Variants in AP4E1 observed in about 807,000 individuals in gnomAD.
AP4E1 encodes adaptor related protein complex 4 subunit epsilon 1.
A neutral mutation model predicts 128.2 loss-of-function variants in AP4E1; 56 were observed. That is an observed-to-expected ratio of 0.44 (90% CI 0.35 to 0.55). The LOEUF is 0.55. AP4E1 is among the 20% of genes least tolerant of loss of function. The pLI is 0.00. For missense variants in AP4E1, 1,324 were observed against 1,307.7 expected (o/e 1.01, Z -0.19); for synonymous variants, 484 against 473.1 (o/e 1.02, Z -0.30).
intron 3 of AP4E1, 45 bp from the exon 4 acceptor site, chr15:50,923,886 T>A (rs1469460836): frequency 7.0e-7 from 1 of 1,435,466 alleles, no homozygotes; most frequent in Non-Finnish European, 9.8e-7. Context: ...GTGAAAAGTC[T>A]GTTTTTGGTA....
chr15:50,957,548 G>A (rs1356777116), intron 13 of AP4E1, among the ~76,000 whole-genome samples: 1 of 152,030 alleles, frequency 6.6e-6, no homozygotes, highest in African/African-American at 2.4e-5. Context: ...GCTTGCGGGT[G>A]GGGCTTCTCC....
chr15:50,972,094 A>G (rs2064486446), intron 15 of AP4E1, among the ~76,000 whole-genome samples: 1 of 152,196 alleles, frequency 6.6e-6, no homozygotes, highest in Non-Finnish European at 1.5e-5. Flanking sequence ...TATGTAGTGC[A>G]GTTTAAAGGG....
intron 15 of AP4E1, among the ~76,000 whole-genome samples, chr15:50,973,239 T>A (rs756694703): frequency 6.6e-6 from 1 of 152,216 alleles, no homozygotes; most frequent in Non-Finnish European, 1.5e-5. Flanking sequence ...GTTGAGTACT[T>A]ATTTTCCAGG....
intron 16 of AP4E1, 129 bp from the exon 17 acceptor site, chr15:50,993,241 T>C (rs1193104858): frequency 6.5e-6 from 6 of 923,808 alleles, no homozygotes; most frequent in Non-Finnish European, 1.0e-5. Context: ...TTACTTCTGG[T>C]ATATAGAATA....
intron 15 of AP4E1, among the ~76,000 whole-genome samples, chr15:50,978,977 T>A (rs1159777876): frequency 6.6e-6 from 1 of 152,198 alleles, no homozygotes; most frequent in East Asian, 1.9e-4. Flanking sequence ...TTCTTTTGAC[T>A]TGGAATTGAT....
At chr15:50,948,358 G>C (rs1273519054) in intron 11 of AP4E1, among the ~76,000 whole-genome samples, 199 bp downstream of exon 11, 5 of 53,266 alleles carry the variant, frequency 9.4e-5, no homozygotes, top group Admixed American at 8.9e-4. Context: ...TTTTTTTTTT[G>C]CTGGTTTCTT....
Position 50,908,773 on chromosome 15 carries a change from GC to G in AP4E1, c.-5del. The G allele has an allele frequency of 1.3e-6, 2 of 1,536,246 alleles. No individual in the cohort carries two copies. The highest frequency in any genetic ancestry group is 8.7e-7 in the Non-Finnish European group (1 of 1,146,288). ...GGCGGCGGCGGCATCGCGGGCGGCG[GC>G]GGCGATGAGCGACATAGTGGAGAAG... On this transcript the variant is annotated 5_prime_UTR_variant, in exon 1 of 21. Coordinates refer to ENST00000261842, the MANE Select transcript of AP4E1 (RefSeq NM_007347.5).
In AP4E1 at chr15:51,003,270, C is replaced by A. The variant is rs888856498; in HGVS notation, c.*608C>A. 4 of 152,726 alleles carry A rather than the reference C, an allele frequency of 2.6e-5. No individual in the cohort carries two copies. Among genetic ancestry groups the A allele is most frequent in the Non-Finnish European group, 4.4e-5 (3 of 68,108 alleles). 9.5% of individuals were successfully genotyped at this position (152,726 alleles called of 1,614,324 possible). ...TTTTTTATTATAGATAACTGTTACA[C>A]ATAATTTCAGATCGTTTGGCTGTAA... is the stretch of plus-strand genomic sequence containing the variant. On this transcript the variant is annotated 3_prime_UTR_variant, in exon 21 of 21. Coordinates refer to ENST00000261842, the MANE Select transcript of AP4E1 (RefSeq NM_007347.5).
intron 19 of AP4E1, 59 bp downstream of exon 19, chr15:50,999,321 T>C: frequency 1.4e-6 from 2 of 1,450,414 alleles, no homozygotes. Context: ...TTTTTAGACC[T>C]CTTCTCTGGA....
intron 13 of AP4E1, among the ~76,000 whole-genome samples, chr15:50,954,720 G>A (rs1472063803): frequency 2.6e-5 from 4 of 152,110 alleles, no homozygotes; most frequent in East Asian, 3.8e-4. Context: ...GTTACTTTAA[G>A]TTCTAGGGTA....
chr15:50,991,646 G>A (rs953389561), intron 16 of AP4E1, among the ~76,000 whole-genome samples: 1 of 152,088 alleles, frequency 6.6e-6, no homozygotes, highest in South Asian at 2.1e-4. Context: ...CATTGAGAAG[G>A]AATGAACCAA....
chr15:50,934,565 A>C, intron 7 of AP4E1, 59 bp from the exon 8 acceptor site: 2 of 1,206,010 alleles, frequency 1.7e-6, no homozygotes, highest in Non-Finnish European at 2.4e-6. Flanking sequence ...AGTTTGAAAA[A>C]CTGTTTTATT....
chr15:50,999,127 G>A lies in AP4E1; in HGVS notation c.2960G>A (p.Ser987Asn). The A allele has an allele frequency of 1.2e-6, 2 of 1,613,990 alleles. No individual in the cohort carries two copies. Among genetic ancestry groups the A allele is most frequent in the Middle Eastern group, 3.3e-4 (2 of 6,058 alleles). Residue 987 changes from serine to asparagine, a missense_variant, in exon 19 of 21, where the codon AGC becomes AAC. Transcript: ENST00000261842. Reference protein sequence around the residue: ...LPVMEAESTKSFQYSVQIEKP... With the variant: ...LPVMEAESTKNFQYSVQIEKP... ...GTAATGGAAGCAGAAAGCACCAAAA[G>A]CTTTCAATATAGTGTGCAGATAGAA...
chr15:50,915,398 A>G (rs1263267625), intron 2 of AP4E1, 50 bp from the exon 3 acceptor site: 65 of 1,573,140 alleles, frequency 4.1e-5, no homozygotes, highest in Non-Finnish European at 5.5e-5. Flanking sequence ...AGTTAAAACA[A>G]TCTAAATATT....
intron 3 of AP4E1, among the ~76,000 whole-genome samples, chr15:50,916,913 A>T (rs1397391003): frequency 6.6e-6 from 1 of 151,878 alleles, no homozygotes; most frequent in Admixed American, 6.6e-5. Context: ...TTTTTTTTCG[A>T]GGCTTCAAAT....
chr15:50,963,694 T>G (rs1314124688), intron 14 of AP4E1, among the ~76,000 whole-genome samples: 1 of 152,182 alleles, frequency 6.6e-6, no homozygotes, highest in African/African-American at 2.4e-5. Context: ...ATTTGTATAT[T>G]TCAAAATAAA....
intron 20 of AP4E1, 122 bp downstream of exon 20, chr15:51,001,305 C>G: frequency 1.1e-6 from 1 of 900,668 alleles, no homozygotes; most frequent in South Asian, 1.6e-5. Flanking sequence ...GACTGTCTTT[C>G]AGATGAATGT....
chr15:50,908,980 G>T, intron 1 of AP4E1, 52 bp downstream of exon 1: 1 of 1,602,830 alleles, frequency 6.2e-7, no homozygotes, highest in Non-Finnish European at 8.5e-7. Context: ...AGGCCCCCGC[G>T]CCAGGAGGCC....
chr15:51,000,946 C>T (rs112978135), intron 19 of AP4E1, 80 bp from the exon 20 acceptor site: 2 of 1,129,928 alleles, frequency 1.8e-6, no homozygotes. Flanking sequence ...ATGTTTTATT[C>T]TCATGAGGCA....
Sources: allele counts gnomAD v4.1 joint callset (sites outside exome capture counted in the v4.1 genomes callset), GRCh38; gene constraint gnomAD v4.1.1; transcripts MANE v1.5; gene names NCBI Gene and HGNC (gene_info 2026-07-23, HGNC 2026-07-21).